GRM5: variants seen among roughly 807,000 people sequenced by gnomAD.
The protein encoded by GRM5 is glutamate metabotropic receptor 5, also known as metabotropic glutamate receptor 5.
A neutral mutation model predicts 83.1 loss-of-function variants in GRM5; 19 were observed. The ratio of observed to expected loss-of-function variants is 0.23; its 90% confidence interval spans 0.16 to 0.34. The LOEUF is 0.34. Ranked by LOEUF, GRM5 falls within the 10% of genes least tolerant of loss-of-function variation. The pLI, the probability that GRM5 is intolerant of heterozygous loss-of-function variation, is 1.00. For missense variants in GRM5, 1,160 were observed against 1,588.3 expected (o/e 0.73, Z 4.58); for synonymous variants, 675 against 633.6 (o/e 1.07, Z -0.98).
rs185760528 is a variant in GRM5, at chr11:89,031,478, A to C, written c.661+15734T>G. On this transcript the variant is annotated intron_variant, in intron 2 of 9. Coordinates refer to ENST00000305447, the MANE Select transcript of GRM5 (RefSeq NM_001143831.3). ...ATAAAAAAGACTCTGAGGGCTCCCA[A>C]ACTGGCAATGTTGTGGAGAAAAGAC... 1.7e-3 allele frequency among the ~76,000 whole-genome samples: 253 copies of C among 152,050 alleles called. 3 individuals are homozygous for C. The highest frequency in any genetic ancestry group is 0.014 in the Middle Eastern group (4 of 294).
intron 3 of GRM5, among the ~76,000 whole-genome samples, chr11:88,704,404 G>C (rs536993166): frequency 6.6e-6 from 1 of 152,162 alleles, no homozygotes; most frequent in East Asian, 1.9e-4. Flanking sequence ...CTTACACACA[G>C]AGCATCAGTA....
intron 2 of GRM5, among the ~76,000 whole-genome samples, chr11:88,887,813 T>A (rs532775828): frequency 2.6e-5 from 4 of 152,242 alleles, no homozygotes; most frequent in Non-Finnish European, 5.9e-5. Context: ...AAAAAGCAGC[T>A]CATTTTCTTT....
At chr11:88,929,864 C>T (rs1937647893) in intron 2 of GRM5, among the ~76,000 whole-genome samples, 1 of 152,096 alleles carries the variant, frequency 6.6e-6, no homozygotes, top group South Asian at 2.1e-4. Context: ...ATGTTTTATT[C>T]TCAAACACTT....
intron 2 of GRM5, among the ~76,000 whole-genome samples, chr11:89,018,393 C>T (rs1739493057): frequency 6.6e-6 from 1 of 152,154 alleles, no homozygotes; most frequent in African/African-American, 2.4e-5. Context: ...TTGTTCTTTT[C>T]AACATCATAT....
chr11:88,744,336 G>A (rs550905503), intron 3 of GRM5, among the ~76,000 whole-genome samples: 19 of 152,146 alleles, frequency 1.2e-4, no homozygotes, highest in Admixed American at 3.3e-4. Context: ...GACATTCTGT[G>A]CAGCAAACCA....
In GRM5 at chr11:88,870,310, A is replaced by C. The variant is rs558419492; in HGVS notation, c.662-20155T>G. ...AGGCAATGCAGATAGTTTATGTCTC[A>C]AGCATGAAAGTTATAGAATGAAAAT... On this transcript the variant is annotated intron_variant, in intron 2 of 9. Coordinates refer to ENST00000305447, the MANE Select transcript of GRM5 (RefSeq NM_001143831.3). Among the ~76,000 whole-genome samples the C allele has an allele frequency of 3.3e-5, 5 of 151,686 alleles. No individual in the cohort carries two copies. The South Asian group carries it at 1.0e-3, about 31-fold the overall frequency.
At chr11:88,653,949 C>CAA (rs1939702593) in intron 3 of GRM5, among the ~76,000 whole-genome samples, 1 of 151,964 alleles carries the variant, frequency 6.6e-6, no homozygotes. Context: ...TTACTCTATT[C>CAA]AATGTTGATT....
chr11:88,620,185 C>T (rs1177016354), intron 4 of GRM5, among the ~76,000 whole-genome samples: 1 of 152,188 alleles, frequency 6.6e-6, no homozygotes, highest in Non-Finnish European at 1.5e-5. Context: ...CTTGTCTATG[C>T]CCACCACAGA....
intron 3 of GRM5, among the ~76,000 whole-genome samples, chr11:88,657,453 G>T (rs971994689): frequency 1.3e-5 from 2 of 152,102 alleles, no homozygotes; most frequent in Admixed American, 6.6e-5. Context: ...TTATACATAT[G>T]TACTGGATTC....
At chr11:88,592,005 G>A (rs1937650185) in intron 6 of GRM5, among the ~76,000 whole-genome samples, 1 of 152,198 alleles carries the variant, frequency 6.6e-6, no homozygotes, top group African/African-American at 2.4e-5. Flanking sequence ...CACATAGCAT[G>A]TTAGGGTAAA....
intron 2 of GRM5, among the ~76,000 whole-genome samples, chr11:89,028,660 A>G (rs529178399): frequency 3.3e-5 from 5 of 152,358 alleles, no homozygotes; most frequent in African/African-American, 7.2e-5. Flanking sequence ...TCACATGACG[A>G]AAGTGTTTGG....
intron 3 of GRM5, among the ~76,000 whole-genome samples, chr11:88,731,027 T>A (rs1941796685): frequency 6.6e-6 from 1 of 151,900 alleles, no homozygotes; most frequent in African/African-American, 2.4e-5. Flanking sequence ...TAAAAAAACA[T>A]AAATATTACC....
At chr11:88,709,165 A>C (rs1419816829) in intron 3 of GRM5, among the ~76,000 whole-genome samples, 1 of 152,014 alleles carries the variant, frequency 6.6e-6, no homozygotes, top group Non-Finnish European at 1.5e-5. Flanking sequence ...AAAGCACTCC[A>C]AAGGAGGAGT....
chr11:89,065,820 G>C lies in GRM5; in HGVS notation c.-245C>G, dbSNP rs983276994. ...TTGCGCCCCCAGGCAGCCGCTCCTC[G>C]AGGGCTTCCTGCGCTCTCGTAGCGG... is the stretch of plus-strand genomic sequence containing the variant. On this transcript the variant is annotated 5_prime_UTR_variant, in exon 1 of 10. Transcript: ENST00000305447. 1 of 152,274 alleles carries C rather than the reference G, an allele frequency of 6.6e-6. No homozygotes were observed. The highest frequency in any genetic ancestry group is 1.5e-5 in the Non-Finnish European group (1 of 68,090). The allele number at this position is 152,274 out of a possible 1,614,324, so 9.4% of individuals were successfully genotyped here. A position where few individuals can be genotyped will look rare whatever the true frequency, so the allele number is the denominator to read the frequency against.
intron 2 of GRM5, among the ~76,000 whole-genome samples, chr11:88,984,000 G>A (rs1939609464): frequency 6.6e-6 from 1 of 152,004 alleles, no homozygotes; most frequent in Non-Finnish European, 1.5e-5. Flanking sequence ...AAATAATTGT[G>A]CACAGCTCTT....
intron 2 of GRM5, among the ~76,000 whole-genome samples, chr11:88,888,305 T>C (rs563805061): frequency 2.0e-5 from 3 of 152,288 alleles, no homozygotes; most frequent in African/African-American, 7.2e-5. Context: ...CAGACAGCTC[T>C]GCAAGCAGCA....
At chr11:88,884,961 C>A (rs1177950531) in intron 2 of GRM5, among the ~76,000 whole-genome samples, 1 of 152,092 alleles carries the variant, frequency 6.6e-6, no homozygotes, top group Non-Finnish European at 1.5e-5. Flanking sequence ...ACTAATATAC[C>A]ATATTTGTCC....
At chr11:88,517,158 C>T (rs1043854380) in intron 9 of GRM5, among the ~76,000 whole-genome samples, 3 of 147,840 alleles carry the variant, frequency 2.0e-5, no homozygotes, top group Admixed American at 1.3e-4. Context: ...CACACACACA[C>T]ACACGTTTCT....
At chr11:88,912,677 C>T (rs1945519255) in intron 2 of GRM5, among the ~76,000 whole-genome samples, 1 of 152,196 alleles carries the variant, frequency 6.6e-6, no homozygotes, top group Non-Finnish European at 1.5e-5. Flanking sequence ...GTCCAACATC[C>T]TTGTTAATGT....
Sources: gnomAD v4.1 joint callset for allele counts (sites outside exome capture counted in the v4.1 genomes callset) on GRCh38, gnomAD v4.1.1 for gene constraint, MANE v1.5 for transcripts, NCBI Gene and HGNC (gene_info 2026-07-23, HGNC 2026-07-21) for gene names.